Variants in A2M observed in about 807,000 individuals in gnomAD.
The protein encoded by A2M is alpha-2-macroglobulin, also known as C3 and PZP-like alpha-2-macroglobulin domain-containing protein 5.
A2M carries 128 observed loss-of-function variants against 183.9 expected under a neutral mutation model. The ratio of observed to expected loss-of-function variants is 0.70; its 90% confidence interval spans 0.60 to 0.81. The LOEUF (loss-of-function observed/expected upper bound fraction) is 0.81, where lower values mean the gene tolerates loss of function less well. Among genes scored for constraint, A2M ranks in the 30% least tolerant of loss-of-function variants. The pLI is 0.00. For missense variants in A2M, 1,495 were observed against 1,787.6 expected, an observed-to-expected ratio of 0.84 and a Z score of 2.95; for synonymous variants, 592 against 670.8, an observed-to-expected ratio of 0.88 and a Z score of 1.81.
chr12:9,107,781 T>C, intron 7 of A2M, 137 bp from the exon 8 acceptor site: 2 of 934,856 alleles, frequency 2.1e-6, no homozygotes, highest in Non-Finnish European at 1.5e-6. Flanking sequence ...TCACACAATA[T>C]TGAAGACAAG....
intron 13 of A2M, among the ~76,000 whole-genome samples, chr12:9,100,613 G>A (rs1338623163): frequency 6.6e-6 from 1 of 151,756 alleles, no homozygotes; most frequent in Non-Finnish European, 1.5e-5. Context: ...AAGAAAATAG[G>A]CTGAAAAAAA....
At chr12:9,077,275 T>C (rs1948774710) in intron 27 of A2M, 71 bp downstream of exon 27, 2 of 1,376,940 alleles carry the variant, frequency 1.5e-6, no homozygotes, top group African/African-American at 1.4e-5. Context: ...AGGATAGTAT[T>C]TCAGACAGCA....
intron 17 of A2M, among the ~76,000 whole-genome samples, chr12:9,094,358 T>TATATATATATATATAC: frequency 6.9e-6 from 1 of 143,988 alleles, no homozygotes; most frequent in South Asian, 2.2e-4. Context: ...TATATATATA[T>TATATATATATATATAC]ATATATATAT....
At position 9,079,707 on chromosome 12, in the gene A2M, T is replaced by C; in HGVS notation, c.2963A>G (p.Asp988Gly). 1 of 1,613,780 alleles carries C rather than the reference T, an allele frequency of 6.2e-7. No homozygotes were observed. Among genetic ancestry groups the C allele is most frequent in the Non-Finnish European group, 8.5e-7 (1 of 1,179,794 alleles). Residue 988 changes from aspartate to glycine, a missense_variant, in exon 24 of 36, where the codon GAT becomes GGT. Asp to Gly is a moderately conservative substitution (Grantham distance 94). Transcript: ENST00000318602. ...VLFAPNIYVL[D>G]YLNETQQLTP... is the part of the protein sequence containing the mutation. ...AAGCTGCTGTGTTTCATTTAGATAA[T>C]CCAGTACATAGATGTTAGGAGCAAA... is the stretch of plus-strand genomic sequence containing the variant.
chr12:9,107,997 C>T (rs1241492292), intron 7 of A2M, among the ~76,000 whole-genome samples: 2 of 152,030 alleles, frequency 1.3e-5, no homozygotes, highest in African/African-American at 2.4e-5. Context: ...AAAACCCAAA[C>T]GCCCTCAAGT....
At chr12:9,080,049 A>G in intron 23 of A2M, 45 bp downstream of exon 23, 1 of 1,249,442 alleles carries the variant, frequency 8.0e-7, no homozygotes, top group East Asian at 2.6e-5. Flanking sequence ...AAATAGTATA[A>G]TAGAAGCTGT....
At chr12:9,080,972 T>G (rs935824731) in intron 22 of A2M, among the ~76,000 whole-genome samples, 4 of 152,190 alleles carry the variant, frequency 2.6e-5, no homozygotes, top group Non-Finnish European at 5.9e-5. Flanking sequence ...AACATACATT[T>G]ACTACAATTT....
intron 31 of A2M, among the ~76,000 whole-genome samples, chr12:9,071,346 C>T (rs1351151005): frequency 2.6e-5 from 4 of 151,894 alleles, no homozygotes; most frequent in Non-Finnish European, 5.9e-5. Context: ...AAACACCTAG[C>T]GTCTTGTCCC....
At chr12:9,109,141 C>T (rs773853894) in intron 7 of A2M, among the ~76,000 whole-genome samples, 180 bp downstream of exon 7, 1 of 151,912 alleles carries the variant, frequency 6.6e-6, no homozygotes, top group South Asian at 2.1e-4. Flanking sequence ...CTGATAAGAA[C>T]GTGAAAGAAA....
At chr12:9,071,524 ATTACT>A (rs1183190082) in intron 31 of A2M, among the ~76,000 whole-genome samples, 3 of 152,116 alleles carry the variant, frequency 2.0e-5, no homozygotes, top group Non-Finnish European at 2.9e-5. Flanking sequence ...TGGTGTACAG[ATTACT>A]TTATCACTTG....
intron 28 of A2M, among the ~76,000 whole-genome samples, chr12:9,075,137 G>T (rs1250666957): frequency 6.6e-6 from 1 of 152,072 alleles, no homozygotes; most frequent in African/African-American, 2.4e-5. Flanking sequence ...CCTATAAAGT[G>T]TGTCTTTATC....
At chr12:9,091,114 A>G (rs1949198565) in intron 19 of A2M, 87 bp downstream of exon 19, 2 of 1,434,200 alleles carry the variant, frequency 1.4e-6, no homozygotes, top group Admixed American at 1.9e-5. Context: ...CATATTTTGC[A>G]TACAAGAGTT....
intron 15 of A2M, 160 bp downstream of exon 15, chr12:9,098,447 T>C (rs926123019): frequency 6.4e-6 from 2 of 311,232 alleles, no homozygotes; most frequent in East Asian, 9.1e-5. Flanking sequence ...TATATATATA[T>C]ATAATTCCTT....
In A2M at chr12:9,079,349, C is replaced by T. The variant is rs367925656; in HGVS notation, c.3032-18G>A. 700 of 1,605,222 alleles carry T rather than the reference C, an allele frequency of 4.4e-4. No homozygotes were observed. The highest frequency in any genetic ancestry group is 5.5e-4 in the Non-Finnish European group (639 of 1,172,260). On this transcript the variant is annotated intron_variant, in intron 24 of 35. Coordinates refer to ENST00000318602, the MANE Select transcript of A2M (RefSeq NM_000014.6). Reference sequence around the variant, plus strand: ...CTGGTAACCTGGAAAGGAAGATTAACGAAACAGCACAATGGATTAATGTGC... The same window carrying T: ...CTGGTAACCTGGAAAGGAAGATTAATGAAACAGCACAATGGATTAATGTGC...
chr12:9,096,005 C>G (rs949489720), intron 15 of A2M, among the ~76,000 whole-genome samples: 1 of 151,176 alleles, frequency 6.6e-6, no homozygotes, highest in Admixed American at 6.6e-5. Context: ...ATGATCCACC[C>G]GCCTCGGCCT....
chr12:9,105,838 A>G (rs1008152946), intron 10 of A2M, among the ~76,000 whole-genome samples: 5 of 152,218 alleles, frequency 3.3e-5, no homozygotes, highest in Non-Finnish European at 5.9e-5. Context: ...CTGTTTCCAT[A>G]CAAAGTTAGT....
intron 28 of A2M, 141 bp from the exon 29 acceptor site, chr12:9,074,924 T>C: frequency 1.0e-6 from 1 of 955,718 alleles, no homozygotes; most frequent in Admixed American, 2.8e-5. Flanking sequence ...TTTCCCTTCA[T>C]GTAAATCTGA....
chr12:9,112,077 C>A, intron 4 of A2M, 82 bp downstream of exon 4: 2 of 1,326,218 alleles, frequency 1.5e-6, no homozygotes, highest in South Asian at 2.4e-5. Context: ...TCTTCCTCTC[C>A]CTGGTCTTCC....
chr12:9,070,965 C>T (rs979686852), intron 31 of A2M, among the ~76,000 whole-genome samples: 5 of 152,118 alleles, frequency 3.3e-5, no homozygotes, highest in African/African-American at 1.2e-4. Context: ...GGATTACAGG[C>T]ATGCACCACC....
Sources: allele counts gnomAD v4.1 joint callset (sites outside exome capture counted in the v4.1 genomes callset), GRCh38; gene constraint gnomAD v4.1.1; transcripts MANE v1.5; gene names NCBI Gene and HGNC (gene_info 2026-07-23, HGNC 2026-07-21).